Variants in OAF observed in about 807,000 individuals in gnomAD.
OAF encodes out at first homolog, also known as out at first protein homolog.
OAF carries 13 observed loss-of-function variants against 22.5 expected under a neutral mutation model. The observed-to-expected ratio is 0.58, with a 90% CI of 0.38 to 0.92. OAF has a LOEUF of 0.92. OAF is among the 40% of genes least tolerant of loss of function. The pLI, the probability that OAF is intolerant of heterozygous loss-of-function variation, is 0.00. For synonymous variants in OAF, 175 were observed against 170.5 expected (o/e 1.03, Z -0.21); for missense variants, 347 against 381.8 (o/e 0.91, Z 0.76).
chr11:120,221,259 G>A (rs1238609808), intron 1 of OAF, among the ~76,000 whole-genome samples: 1 of 152,218 alleles, frequency 6.6e-6, no homozygotes, highest in African/African-American at 2.4e-5. Context: ...CCAGGTGTTT[G>A]TGAAGGCCCT....
intron 1 of OAF, among the ~76,000 whole-genome samples, chr11:120,218,690 T>G (rs999521412): frequency 1.3e-5 from 2 of 152,118 alleles, no homozygotes; most frequent in African/African-American, 4.8e-5. Flanking sequence ...TGTGTGGCCC[T>G]AGAGCGATGA....
At chr11:120,225,384 C>T (rs939455546) in intron 1 of OAF, among the ~76,000 whole-genome samples, 14 of 152,006 alleles carry the variant, frequency 9.2e-5, no homozygotes, top group African/African-American at 2.7e-4. Flanking sequence ...ATCAGGGTGA[C>T]GTTAAGGGGT....
chr11:120,211,130 C>T lies in OAF; in HGVS notation c.-150C>T. ...TGAGCGCTACCCACGTGCGTCCGCG[C>T]CACCTCGCGGGCGACCCCGCGGCCA... is the stretch of plus-strand genomic sequence containing the variant. On this transcript the variant is annotated 5_prime_UTR_variant, in exon 1 of 4. Transcript: ENST00000328965. 1 of 284,000 alleles carries T rather than the reference C, an allele frequency of 3.5e-6. No homozygotes were observed. Among genetic ancestry groups the T allele is most frequent in the Non-Finnish European group, 6.1e-6 (1 of 162,966 alleles). 17.6% of individuals were successfully genotyped at this position (284,000 alleles called of 1,614,324 possible). A position where few individuals can be genotyped will look rare whatever the true frequency, so the allele number is the denominator to read the frequency against.
chr11:120,226,733 C>A, intron 2 of OAF, 83 bp from the exon 3 acceptor site: 1 of 1,332,060 alleles, frequency 7.5e-7, no homozygotes, highest in Non-Finnish European at 1.0e-6. Flanking sequence ...TCAGCTTGGG[C>A]TCGCCTGACT....
At position 120,211,323 on chromosome 11, in the gene OAF, T is replaced by TGCTGCTGCCGCTGCTCGCGCC; in HGVS notation, c.52_72dup (p.Pro18_Leu24dup). Reference sequence around the variant, plus strand: ...CCCCTGGCGCGCCCTGCGCTGCTGCTGCTGCTGCCGCTGCTCGCGCCGCTG... The same window carrying TGCTGCTGCCGCTGCTCGCGCC: ...CCCCTGGCGCGCCCTGCGCTGCTGCTGCTGCTGCCGCTGCTCGCGCCGCTGCTGCCGCTGCTCGCGCCGCTG... On this transcript the variant is annotated inframe_insertion, in exon 1 of 4. Transcript: ENST00000328965. 7.2e-7 allele frequency: 1 copy of TGCTGCTGCCGCTGCTCGCGCC among 1,393,284 alleles called. No homozygotes were observed. The highest frequency in any genetic ancestry group is 9.3e-7 in the Non-Finnish European group (1 of 1,074,760). 86.3% of individuals were successfully genotyped at this position (1,393,284 alleles called of 1,614,324 possible). A position where few individuals can be genotyped will look rare whatever the true frequency, so the allele number is the denominator to read the frequency against.
chr11:120,226,815 G>C lies in OAF; in HGVS notation c.367-1G>C, dbSNP rs768878445. 2.9e-5 allele frequency: 46 copies of C among 1,588,490 alleles called. No homozygotes were observed. Among genetic ancestry groups the C allele is most frequent in the East Asian group, 2.3e-5 (1 of 44,172 alleles). ...AGGAGTGACTTCTCTCCCACACACA[G>C]AAAAATCCCCGGGCAGTGCGGCAGG... On this transcript the variant is annotated splice_acceptor_variant, in intron 2 of 3. Transcript: ENST00000328965. LOFTEE classifies it high-confidence loss of function.
At chr11:120,213,161 G>A (rs988129191) in intron 1 of OAF, among the ~76,000 whole-genome samples, 2 of 152,044 alleles carry the variant, frequency 1.3e-5, no homozygotes, top group Non-Finnish European at 1.5e-5. Context: ...AATGGGTAGG[G>A]CTGAGCTTTT....
chr11:120,211,744 G>GC (rs1938152046), intron 1 of OAF, among the ~76,000 whole-genome samples: 1 of 151,996 alleles, frequency 6.6e-6, no homozygotes, highest in Admixed American at 6.6e-5. Context: ...CGCTCCCAGA[G>GC]CCCCCCAGGT....
At chr11:120,220,040 G>A (rs1247139550) in intron 1 of OAF, among the ~76,000 whole-genome samples, 1 of 152,198 alleles carries the variant, frequency 6.6e-6, no homozygotes, top group Non-Finnish European at 1.5e-5. Flanking sequence ...GGCTAGAGTC[G>A]CTGCTCTTGA....
chr11:120,229,339 C>A lies in OAF; in HGVS notation c.*197C>A. On this transcript the variant is annotated 3_prime_UTR_variant, in exon 4 of 4. Transcript: ENST00000328965. ...GGCAGGGGGTCTCATGAAGGCACCC[C>A]CATTCCCACCCTGTGCCTTCCTTGC... The A allele has an allele frequency of 1.7e-6, 1 of 594,688 alleles. No individual in the cohort carries two copies. Among genetic ancestry groups the A allele is most frequent in the Non-Finnish European group, 3.0e-6 (1 of 334,888 alleles). 36.8% of individuals were successfully genotyped at this position (594,688 alleles called of 1,614,324 possible). A position where few individuals can be genotyped will look rare whatever the true frequency, so the allele number is the denominator to read the frequency against.
At chr11:120,226,340 T>G (rs1326859350) in intron 2 of OAF, among the ~76,000 whole-genome samples, 1 of 152,264 alleles carries the variant, frequency 6.6e-6, no homozygotes, top group Non-Finnish European at 1.5e-5. Context: ...TCCTGCTGTC[T>G]TCTTAGACCC....
rs148875704 is a variant in OAF at position 120,226,087 on chromosome 11, C to T, written c.366+292C>T. Among the ~76,000 whole-genome samples the T allele has an allele frequency of 2.7e-3, 417 of 152,332 alleles. 3 individuals are homozygous for T. The highest frequency in any genetic ancestry group is 4.4e-3 in the Non-Finnish European group (297 of 68,030). Reference sequence around the variant, plus strand: ...AACCTGACCCTAGAGCTGCAGATCACTAACTGAACCCCAACTCTCAGATTT... The same window carrying T: ...AACCTGACCCTAGAGCTGCAGATCATTAACTGAACCCCAACTCTCAGATTT... On this transcript the variant is annotated intron_variant, in intron 2 of 3. Coordinates refer to ENST00000328965, the MANE Select transcript of OAF (RefSeq NM_178507.4).
At chr11:120,224,526 G>T (rs1938326474) in intron 1 of OAF, among the ~76,000 whole-genome samples, 1 of 152,194 alleles carries the variant, frequency 6.6e-6, no homozygotes, top group Non-Finnish European at 1.5e-5. Context: ...CTTGCCGCAT[G>T]TATTGGACTC....
chr11:120,215,686 C>T (rs1938203552), intron 1 of OAF, among the ~76,000 whole-genome samples: 1 of 152,222 alleles, frequency 6.6e-6, no homozygotes, highest in Non-Finnish European at 1.5e-5. Flanking sequence ...ACCATCCCCT[C>T]TCCCTAAACT....
chr11:120,219,136 C>T (rs893697973), intron 1 of OAF, among the ~76,000 whole-genome samples: 2 of 149,996 alleles, frequency 1.3e-5, no homozygotes, highest in African/African-American at 4.9e-5. Context: ...GTGGGGACTG[C>T]GGAGAGGGGT....
rs1938404996 is a variant in OAF, at chr11:120,229,251, C to T, written c.*109C>T. 6 of 1,021,520 alleles carry T rather than the reference C, an allele frequency of 5.9e-6. No homozygotes were observed. Among genetic ancestry groups the T allele is most frequent in the Non-Finnish European group, 8.6e-6 (6 of 694,970 alleles). The allele number at this position is 1,021,520 out of a possible 1,614,324, so 63.3% of individuals were successfully genotyped here. On this transcript the variant is annotated 3_prime_UTR_variant, in exon 4 of 4. Coordinates refer to ENST00000328965, the MANE Select transcript of OAF (RefSeq NM_178507.4). ...CCTTATTTCCCTCCCTCCCCACTCC[C>T]CTGGCCCTAGAGCCTGGGCCCCTCT... is the stretch of plus-strand genomic sequence containing the variant.
At position 120,226,881 on chromosome 11, in the gene OAF, C is replaced by T. The variant is rs773559616; in HGVS notation, c.432C>T (p.Val144=). Residue 144 remains valine, a synonymous_variant, in exon 3 of 4, where the codon GTC becomes GTT. Transcript: ENST00000328965. Reference sequence around the variant, plus strand: ...GTCTGGAGCATCTGCACATGGATGTCGCTGTCAACTTCAGCCAGGGGGCCC... The same window carrying T: ...GTCTGGAGCATCTGCACATGGATGTTGCTGTCAACTTCAGCCAGGGGGCCC... ...VRGLEHLHMD[V]AVNFSQGALL... is the part of the protein sequence containing the mutation. 46 of 1,612,542 alleles carry T rather than the reference C, an allele frequency of 2.9e-5. No individual in the cohort carries two copies. The South Asian group carries it at 3.5e-4, about 12-fold the overall frequency.
chr11:120,212,138 GC>G (rs1469606192), intron 1 of OAF, among the ~76,000 whole-genome samples: 6 of 152,028 alleles, frequency 3.9e-5, no homozygotes, highest in African/African-American at 1.4e-4. Flanking sequence ...CCCAGCTGAG[GC>G]CCCCTCCCTC....
chr11:120,224,871 A>G (rs1315476232), intron 1 of OAF, among the ~76,000 whole-genome samples: 1 of 152,188 alleles, frequency 6.6e-6, no homozygotes, highest in East Asian at 1.9e-4. Context: ...GGTACAGGTG[A>G]GCAGAGCACA....
Sources: allele counts gnomAD v4.1 joint callset (sites outside exome capture counted in the v4.1 genomes callset), GRCh38; gene constraint gnomAD v4.1.1; transcripts MANE v1.5; gene names NCBI Gene and HGNC (gene_info 2026-07-23, HGNC 2026-07-21).